CAMK2D: variants seen among roughly 807,000 people sequenced by gnomAD.
CAMK2D encodes the protein calcium/calmodulin-dependent protein kinase type II subunit delta.
In CAMK2D, 37 loss-of-function variants were observed where a neutral mutation model predicts 84.0. The ratio of observed to expected loss-of-function variants is 0.44; its 90% CI spans 0.34 to 0.58. CAMK2D has a LOEUF of 0.58. CAMK2D is among the 20% of genes least tolerant of loss of function. The probability of loss-of-function intolerance (pLI) is 0.02; values close to 1 mark genes in which losing one functional copy is unlikely to be tolerated. For missense variants in CAMK2D, 448 were observed against 652.5 expected, an observed-to-expected ratio of 0.69 and a Z score of 3.41; for synonymous variants, 202 against 212.5, an observed-to-expected ratio of 0.95 and a Z score of 0.43.
chr4:113,468,676 A>G (rs1184596084), intron 16 of CAMK2D, among the ~76,000 whole-genome samples: 1 of 151,348 alleles, frequency 6.6e-6, no homozygotes, highest in Non-Finnish European at 1.5e-5. Context: ...TGGCTTGGAC[A>G]GACAAGTTGT....
chr4:113,504,029 A>T (rs1218012826), intron 14 of CAMK2D, among the ~76,000 whole-genome samples: 1 of 152,076 alleles, frequency 6.6e-6, no homozygotes, highest in Admixed American at 6.6e-5. Context: ...ATTGTTTTTT[A>T]CTAGTAGATA....
intron 18 of CAMK2D, among the ~76,000 whole-genome samples, chr4:113,459,484 T>C (rs909477550): frequency 2.0e-5 from 3 of 152,166 alleles, no homozygotes; most frequent in East Asian, 1.9e-4. Context: ...CTCAGCTTCC[T>C]AAAGTGTTGG....
At position 113,688,972 on chromosome 4, in the gene CAMK2D, C is replaced by T. The variant is rs576577880; in HGVS notation, c.161-27200G>A. Among the ~76,000 whole-genome samples, 984 of 145,090 alleles carry T rather than the reference C, an allele frequency of 6.8e-3. 12 individuals are homozygous for T. The highest frequency in any genetic ancestry group is 0.024 in the African/African-American group (944 of 38,794). On this transcript the variant is annotated intron_variant, in intron 2 of 20. Coordinates refer to ENST00000511664, the MANE Select transcript of CAMK2D (RefSeq NM_001321571.2). ...TAAAAAAAAAAATGATGGCCGGGTG[C>T]AGTGGCTCATGCCTGTAACCCCAGC... is the stretch of plus-strand genomic sequence containing the variant.
intron 2 of CAMK2D, among the ~76,000 whole-genome samples, chr4:113,681,181 T>C (rs2099344709): frequency 6.6e-6 from 1 of 152,048 alleles, no homozygotes; most frequent in South Asian, 2.1e-4. Context: ...AAGTAAAAAA[T>C]GAGATACACT....
rs1244800894 is a variant in CAMK2D at position 113,761,045 on chromosome 4, G to C, written c.24C>G (p.Thr8=). MASTTTC[T]RFTDEYQLFE... is the part of the protein sequence containing the mutation. ...AAAGCTGATACTCGTCCGTGAACCT[G>C]GTGCAGGTTGTGGTCGAAGCCATCC... Residue 8 remains threonine (T), a synonymous_variant, in exon 1 of 21, where the codon ACC becomes ACG. Transcript: ENST00000511664. The C allele has an allele frequency of 1.2e-6, 2 of 1,614,200 alleles. No individual in the cohort carries two copies. Among genetic ancestry groups the C allele is most frequent in the Non-Finnish European group, 1.7e-6 (2 of 1,180,026 alleles).
intron 13 of CAMK2D, chr4:113,508,353 AATTTTGTTTTT>A (rs986530576): frequency 1.9e-5 from 19 of 1,025,266 alleles, no homozygotes; most frequent in Non-Finnish European, 2.8e-5. Context: ...AGTATAGAAT[AATTTTGTTTTT>A]AAAGAGGAGC....
intron 2 of CAMK2D, among the ~76,000 whole-genome samples, chr4:113,667,399 C>G (rs1366736961): frequency 6.6e-6 from 1 of 152,074 alleles, no homozygotes; most frequent in Admixed American, 6.6e-5. Context: ...CATAAATAAG[C>G]TGGAAGTGAG....
intron 2 of CAMK2D, among the ~76,000 whole-genome samples, chr4:113,675,702 T>C (rs2099315533): frequency 6.6e-6 from 1 of 152,046 alleles, no homozygotes; most frequent in African/African-American, 2.4e-5. Flanking sequence ...CAAAGGTAAT[T>C]GTAGTCAGAG....
chr4:113,741,425 T>A (rs2099592628), intron 2 of CAMK2D, among the ~76,000 whole-genome samples: 3 of 152,180 alleles, frequency 2.0e-5, no homozygotes, highest in Admixed American at 2.0e-4. Flanking sequence ...TTCTATTTTA[T>A]TAGTACTTGC....
At chr4:113,535,365 G>C (rs934838525) in intron 7 of CAMK2D, among the ~76,000 whole-genome samples, 1 of 152,050 alleles carries the variant, frequency 6.6e-6, no homozygotes, top group African/African-American at 2.4e-5. Flanking sequence ...CCTAGTCAAC[G>C]CTATCATCAT....
intron 2 of CAMK2D, among the ~76,000 whole-genome samples, chr4:113,742,139 G>A (rs2099594501): frequency 6.6e-6 from 1 of 152,114 alleles, no homozygotes; most frequent in Non-Finnish European, 1.5e-5. Context: ...CACAGCAGTT[G>A]CTCAATAAAT....
intron 2 of CAMK2D, among the ~76,000 whole-genome samples, chr4:113,740,589 C>T (rs571243995): frequency 1.3e-5 from 2 of 152,128 alleles, no homozygotes; most frequent in South Asian, 4.1e-4. Flanking sequence ...TCTTAGTATA[C>T]TCTACTTTTC....
chr4:113,741,214 T>C (rs555728570), intron 2 of CAMK2D, among the ~76,000 whole-genome samples: 120 of 152,242 alleles, frequency 7.9e-4, no homozygotes, highest in Non-Finnish European at 1.4e-3. Context: ...AAACTGTGCT[T>C]CCTTTAAGTG....
At chr4:113,593,922 T>G (rs563886949) in intron 4 of CAMK2D, among the ~76,000 whole-genome samples, 15 of 152,124 alleles carry the variant, frequency 9.9e-5, no homozygotes, top group Non-Finnish European at 2.1e-4. Context: ...TGTGCTTTTT[T>G]TTTTCCTAAC....
intron 2 of CAMK2D, among the ~76,000 whole-genome samples, chr4:113,681,061 C>T (rs1416246280): frequency 6.6e-6 from 1 of 152,100 alleles, no homozygotes; most frequent in East Asian, 1.9e-4. Context: ...TTTCTTAGCT[C>T]CCTGTTGACT....
At chr4:113,473,439 T>A (rs1192886277) in intron 16 of CAMK2D, among the ~76,000 whole-genome samples, 2 of 152,242 alleles carry the variant, frequency 1.3e-5, no homozygotes, top group African/African-American at 4.8e-5. Context: ...AGAGGAATTT[T>A]CATAATTTTG....
intron 16 of CAMK2D, among the ~76,000 whole-genome samples, chr4:113,468,357 C>T (rs1355338124): frequency 6.6e-6 from 1 of 152,156 alleles, no homozygotes; most frequent in Non-Finnish European, 1.5e-5. Flanking sequence ...AGCCAGGATG[C>T]TTCTGTGCTG....
intron 2 of CAMK2D, among the ~76,000 whole-genome samples, chr4:113,663,590 A>AAATAATAAT (rs10525797): frequency 0.087 from 12,652 of 145,842 alleles, 790 homozygotes; most frequent in East Asian, 0.29. Context: ...CTCTGTCTAA[A>AAATAATAAT]AATAATAATA....
At chr4:113,533,901 A>AT (rs139980989) in intron 7 of CAMK2D, among the ~76,000 whole-genome samples, 201 of 152,012 alleles carry the variant, frequency 1.3e-3, no homozygotes, top group African/African-American at 3.7e-3. Flanking sequence ...AAAAATGATA[A>AT]TTAAAAAAAA....
Sources: gnomAD v4.1 joint callset for allele counts (sites outside exome capture counted in the v4.1 genomes callset) on GRCh38, gnomAD v4.1.1 for gene constraint, MANE v1.5 for transcripts, NCBI Gene and HGNC (gene_info 2026-07-23, HGNC 2026-07-21) for gene names.